PEX5L: variants seen among roughly 807,000 people sequenced by gnomAD.
PEX5L encodes PEX5-related protein.
Under a neutral mutation model 84.0 loss-of-function variants are expected in PEX5L, and 30 were observed. The observed-to-expected ratio is 0.36, with a 90% CI of 0.27 to 0.48. The LOEUF is 0.48. Ranked by LOEUF, PEX5L falls within the 20% of genes least tolerant of loss-of-function variation. PEX5L has a pLI of 0.99. For missense variants in PEX5L, 533 were observed against 754.6 expected (o/e 0.71, Z 3.44); for synonymous variants, 270 against 283.1 (o/e 0.95, Z 0.46).
chr3:179,846,745 G>A (rs1415335009), intron 8 of PEX5L, among the ~76,000 whole-genome samples: 1 of 152,182 alleles, frequency 6.6e-6, no homozygotes, highest in Non-Finnish European at 1.5e-5. Context: ...TGCTTGAGCT[G>A]AGACATTGGT....
intron 7 of PEX5L, among the ~76,000 whole-genome samples, chr3:179,870,551 T>C (rs1339589231): frequency 6.6e-6 from 1 of 152,206 alleles, no homozygotes; most frequent in Non-Finnish European, 1.5e-5. Flanking sequence ...CGGACTTGCA[T>C]TGGGTGATGA....
rs562407999 is a variant in PEX5L at position 180,036,033 on chromosome 3, T to G, written c.21+546A>C. Among the ~76,000 whole-genome samples, 164 of 152,286 alleles carry G rather than the reference T, an allele frequency of 1.1e-3. 2 individuals carry two copies. Among genetic ancestry groups the G allele is most frequent in the African/African-American group, 3.8e-3 (156 of 41,550 alleles). ...AGCTCCTTGGACATGTGTTTGAAAT[T>G]CATCCTCCCAAGTCATCCTGTGACT... On this transcript the variant is annotated intron_variant, in intron 1 of 14. Coordinates refer to ENST00000467460, the MANE Select transcript of PEX5L (RefSeq NM_016559.3).
intron 1 of PEX5L, among the ~76,000 whole-genome samples, chr3:179,981,018 C>T (rs1044137489): frequency 9.4e-6 from 1 of 106,828 alleles, no homozygotes; most frequent in Non-Finnish European, 1.9e-5. Flanking sequence ...AATAAGACTC[C>T]TTCTCAAAAA....
intron 10 of PEX5L, among the ~76,000 whole-genome samples, chr3:179,813,694 G>T (rs1191005485): frequency 1.4e-5 from 2 of 141,624 alleles, no homozygotes; most frequent in Admixed American, 7.2e-5. Context: ...TTTTGAGACG[G>T]AGTCCCGCTG....
intron 14 of PEX5L, among the ~76,000 whole-genome samples, chr3:179,803,196 T>C (rs1043867324): frequency 3.3e-5 from 5 of 152,184 alleles, no homozygotes; most frequent in Non-Finnish European, 2.9e-5. Flanking sequence ...AAGCAAGATA[T>C]GAAACAAACT....
chr3:179,874,736 TTG>T lies in PEX5L; in HGVS notation c.630-315_630-314del, dbSNP rs1207609954. Among the ~76,000 whole-genome samples the T allele has an allele frequency of 5.4e-3, 355 of 65,262 alleles. 23 individuals carry two copies. Among genetic ancestry groups the T allele is most frequent in the African/African-American group, 0.017 (301 of 17,248 alleles). 42.8% of individuals were successfully genotyped at this position (65,262 alleles called of 152,430 possible). ...CATAAAAAAATTATGGTTTTTTTTT[TTG>T]TTTTTTTTTTTTTTTTTTTTTTTTG... On this transcript the variant is annotated intron_variant, in intron 6 of 14. Coordinates refer to ENST00000467460, the MANE Select transcript of PEX5L (RefSeq NM_016559.3).
intron 2 of PEX5L, among the ~76,000 whole-genome samples, chr3:179,941,968 C>T (rs890288569): frequency 1.5e-4 from 21 of 142,184 alleles, no homozygotes; most frequent in Middle Eastern, 3.8e-3. Context: ...TTGCAGTGAG[C>T]CCAGATCGCG....
At chr3:179,809,765 C>A (rs371364770) in intron 11 of PEX5L, 97 bp from the exon 12 acceptor site, 14 of 801,840 alleles carry the variant, frequency 1.7e-5, no homozygotes, top group East Asian at 1.3e-4. Context: ...CTAAATACTG[C>A]AAAAGCATTG....
intron 1 of PEX5L, among the ~76,000 whole-genome samples, chr3:179,986,090 G>A (rs777197419): frequency 1.4e-4 from 22 of 151,916 alleles, no homozygotes; most frequent in Non-Finnish European, 2.9e-4. Flanking sequence ...CGTAGTATAT[G>A]TACATATTGA....
At chr3:179,948,220 A>C (rs1488695338) in intron 2 of PEX5L, among the ~76,000 whole-genome samples, 1 of 152,234 alleles carries the variant, frequency 6.6e-6, no homozygotes, top group African/African-American at 2.4e-5. Flanking sequence ...TCACATTTTC[A>C]TATTACAGTA....
At chr3:179,832,196 T>A (rs1296940945) in intron 8 of PEX5L, among the ~76,000 whole-genome samples, 1 of 152,038 alleles carries the variant, frequency 6.6e-6, no homozygotes, top group Non-Finnish European at 1.5e-5. Context: ...TAGGACTTGG[T>A]GTTTGATTAG....
chr3:179,910,811 T>A (rs1764908391), intron 2 of PEX5L, among the ~76,000 whole-genome samples: 1 of 152,242 alleles, frequency 6.6e-6, no homozygotes, highest in African/African-American at 2.4e-5. Context: ...TTCACCTTTC[T>A]ATGGGTATGC....
At chr3:179,894,501 A>G (rs1183384006) in intron 3 of PEX5L, among the ~76,000 whole-genome samples, 2 of 152,136 alleles carry the variant, frequency 1.3e-5, no homozygotes, top group East Asian at 3.9e-4. Context: ...GGATAGCTAG[A>G]CTTTTGTAAA....
chr3:179,931,623 T>C (rs1370808967), intron 2 of PEX5L, among the ~76,000 whole-genome samples: 1 of 152,194 alleles, frequency 6.6e-6, no homozygotes, highest in Non-Finnish European at 1.5e-5. Context: ...TTCTTATCTG[T>C]TTCTTTTAAG....
chr3:179,813,642 C>A (rs1724779725), intron 10 of PEX5L, among the ~76,000 whole-genome samples: 1 of 149,304 alleles, frequency 6.7e-6, no homozygotes, highest in African/African-American at 2.5e-5. Context: ...GGATTACAGG[C>A]ATGAGCCATC....
At chr3:179,983,172 T>C (rs1395622279) in intron 1 of PEX5L, among the ~76,000 whole-genome samples, 1 of 151,984 alleles carries the variant, frequency 6.6e-6, no homozygotes, top group Non-Finnish European at 1.5e-5. Flanking sequence ...TATGTAAGTA[T>C]ACCAATATAT....
intron 2 of PEX5L, among the ~76,000 whole-genome samples, chr3:179,970,219 C>T (rs1298652846): frequency 6.6e-6 from 1 of 152,074 alleles, no homozygotes; most frequent in African/African-American, 2.4e-5. Flanking sequence ...GAGAAATGTA[C>T]ACATATCTGT....
intron 1 of PEX5L, among the ~76,000 whole-genome samples, chr3:179,998,696 G>A (rs991900023): frequency 3.3e-5 from 5 of 152,180 alleles, no homozygotes; most frequent in Non-Finnish European, 7.4e-5. Flanking sequence ...GATAAAGTGG[G>A]CCATGGACAG....
At chr3:179,920,615 A>G (rs1769003642) in intron 2 of PEX5L, among the ~76,000 whole-genome samples, 1 of 152,228 alleles carries the variant, frequency 6.6e-6, no homozygotes, top group Admixed American at 6.5e-5. Flanking sequence ...TAGAAAAAGG[A>G]GATCTGTTCA....
Sources: gnomAD v4.1 joint callset for allele counts (sites outside exome capture counted in the v4.1 genomes callset) on GRCh38, gnomAD v4.1.1 for gene constraint, MANE v1.5 for transcripts, NCBI Gene and HGNC (gene_info 2026-07-23, HGNC 2026-07-21) for gene names.